Variants in BTBD7 observed in about 807,000 individuals in gnomAD.
BTBD7 encodes the protein BTB domain containing 7.
A neutral mutation model predicts 99.9 loss-of-function variants in BTBD7; 38 were observed. The ratio of observed to expected loss-of-function variants is 0.38; its 90% CI spans 0.29 to 0.50. BTBD7 has a LOEUF of 0.50. Ranked by LOEUF, BTBD7 falls within the 20% of genes least tolerant of loss-of-function variation. The pLI is 0.93. For synonymous variants in BTBD7, 520 were observed against 511.4 expected (o/e 1.02, Z -0.23); for missense variants, 1,170 against 1,394.6 (o/e 0.84, Z 2.57).
Position 93,242,658 on chromosome 14 carries a change from G to C in BTBD7, c.3014C>G (p.Ala1005Gly), listed in dbSNP as rs1297054914. 4 of 1,614,050 alleles carry C rather than the reference G, an allele frequency of 2.5e-6. No individual in the cohort carries two copies. The African/African-American group carries it at 5.3e-5, about 22-fold the overall frequency. ...GQTSPKKQEE[A>G]RREYPLSPDG... ...AGGGGAAAGTGGATATTCTCTCCTA[G>C]CTTCTTCCTGTTTTTTAGGAGACGT... Residue 1005 changes from alanine (A) to glycine (G), a missense_variant, in exon 11 of 11, where the codon GCT (alanine) becomes GGT (glycine). Ala to Gly is a moderately conservative substitution (Grantham distance 60, BLOSUM62 0). Transcript: ENST00000334746.
intron 1 of BTBD7, among the ~76,000 whole-genome samples, chr14:93,325,579 G>A (rs531091823): frequency 1.6e-4 from 24 of 152,170 alleles, no homozygotes; most frequent in Admixed American, 1.1e-3. Context: ...GGGGAACAAT[G>A]GAGTAAAAAA....
At chr14:93,316,137 A>G in intron 1 of BTBD7, among the ~76,000 whole-genome samples, 1 of 151,458 alleles carries the variant, frequency 6.6e-6, no homozygotes, top group Non-Finnish European at 1.5e-5. Flanking sequence ...TATTTTTAGT[A>G]GAGATAGGGT....
intron 8 of BTBD7, 144 bp downstream of exon 8, chr14:93,251,319 G>A: frequency 2.2e-6 from 2 of 896,312 alleles, no homozygotes; most frequent in Non-Finnish European, 3.2e-6. Flanking sequence ...TGGCTTAAAA[G>A]TGTTTATTCT....
chr14:93,274,881 G>C (rs2052638503), intron 3 of BTBD7, among the ~76,000 whole-genome samples: 1 of 152,190 alleles, frequency 6.6e-6, no homozygotes, highest in Non-Finnish European at 1.5e-5. Flanking sequence ...CTGGATTCCA[G>C]GTTACCTTTC....
At chr14:93,279,747 C>A (rs965843433) in intron 3 of BTBD7, among the ~76,000 whole-genome samples, 2 of 152,138 alleles carry the variant, frequency 1.3e-5, no homozygotes, top group African/African-American at 4.8e-5. Flanking sequence ...AAGGTTTCAC[C>A]ATGTTGGCCA....
intron 1 of BTBD7, among the ~76,000 whole-genome samples, chr14:93,300,786 A>ATATT (rs1555392123): frequency 2.0e-5 from 2 of 101,766 alleles, no homozygotes; most frequent in East Asian, 3.1e-4. Context: ...ATATATATAT[A>ATATT]TTTTTTTTTT....
intron 1 of BTBD7, among the ~76,000 whole-genome samples, chr14:93,311,912 TTTTAAC>T (rs1271185531): frequency 1.4e-5 from 2 of 139,932 alleles, no homozygotes; most frequent in East Asian, 4.1e-4. Context: ...GTCATTGCAT[TTTTAAC>T]TTTGTTATAT....
In BTBD7 at chr14:93,296,082, G is replaced by C. The variant is rs769152246; in HGVS notation, c.-31C>G. Reference sequence around the variant, plus strand: ...TCAGTCACTCAGGCATTCCGTCTGCGGGTTCTTCAGAGTATAATCCCAGAG... The same window carrying C: ...TCAGTCACTCAGGCATTCCGTCTGCCGGTTCTTCAGAGTATAATCCCAGAG... On this transcript the variant is annotated 5_prime_UTR_variant, in exon 2 of 11. Transcript: ENST00000334746. 6.2e-7 allele frequency: 1 copy of C among 1,609,742 alleles called. No homozygotes were observed. The highest frequency in any genetic ancestry group is 8.5e-7 in the Non-Finnish European group (1 of 1,178,056).
In BTBD7 at chr14:93,317,716, A is replaced by G. The variant is rs537464841; in HGVS notation, c.-107+15104T>C. Among the ~76,000 whole-genome samples the G allele has an allele frequency of 8.5e-5, 13 of 152,280 alleles. 1 individual carries two copies. The South Asian group carries it at 2.7e-3, about 32-fold the overall frequency. On this transcript the variant is annotated intron_variant, in intron 1 of 10. Transcript: ENST00000334746. ...CCTTGGCAGGTCTCTGGGAAATTGGATTTTGGGAGTGTTCCCATAATTCCC... is the reference window on the plus strand; with the variant it reads ...CCTTGGCAGGTCTCTGGGAAATTGGGTTTTGGGAGTGTTCCCATAATTCCC...
In BTBD7 at chr14:93,294,817, T is replaced by C. The variant is rs2052904987; in HGVS notation, c.203A>G (p.Lys68Arg). 1 of 1,613,962 alleles carries C rather than the reference T, an allele frequency of 6.2e-7. No homozygotes were observed. Among genetic ancestry groups the C allele is most frequent in the Non-Finnish European group, 8.5e-7 (1 of 1,180,036 alleles). ...KRTSGLATLKKKFIKRRKSNR... is the reference protein window; with the variant it reads ...KRTSGLATLKRKFIKRRKSNR... The stretch of plus-strand genomic sequence containing the variant: ...AGATTTCCGACGCTTAATAAACTTC[T>C]TTTTGAGGGTGGCAAGACCAGAGGT... The change falls in exon 3 of 11, where the codon AAG becomes AGG. Residue 68 changes from lysine to arginine, a missense_variant. Lys to Arg is a conservative substitution (Grantham distance 26). Around this residue, in one of 4 missense-constraint regions of BTBD7, gnomAD observed 359 missense variants for 497.9 expected, o/e 0.72. Transcript: ENST00000334746.
chr14:93,332,684 A>C, intron 1 of BTBD7, 136 bp downstream of exon 1: 3 of 1,236,528 alleles, frequency 2.4e-6, no homozygotes, highest in Non-Finnish European at 2.0e-6. Flanking sequence ...CCGGCGCCCC[A>C]GCGCCTCCCG....
Position 93,241,279 on chromosome 14 carries a change from G to A in BTBD7, c.*994C>T, listed in dbSNP as rs1456686831. Reference sequence around the variant, plus strand: ...CCACCTCAGCCCCCCAAGTAGCTGGGACTACAGGCACGCACCACCACGCCT... The same window carrying A: ...CCACCTCAGCCCCCCAAGTAGCTGGAACTACAGGCACGCACCACCACGCCT... On this transcript the variant is annotated 3_prime_UTR_variant, in exon 11 of 11. Coordinates refer to ENST00000334746, the MANE Select transcript of BTBD7 (RefSeq NM_001002860.4). 1 of 151,962 alleles carries A rather than the reference G, an allele frequency of 6.6e-6. No homozygotes were observed. Among genetic ancestry groups the A allele is most frequent in the Admixed American group, 6.6e-5 (1 of 15,248 alleles). The allele number at this position is 151,962 out of a possible 1,614,324, so 9.4% of individuals were successfully genotyped here.
At chr14:93,279,660 G>A (rs1254014068) in intron 3 of BTBD7, among the ~76,000 whole-genome samples, 4 of 152,146 alleles carry the variant, frequency 2.6e-5, no homozygotes, top group Non-Finnish European at 4.4e-5. Context: ...CGATTCTCCT[G>A]CCTCAGCCTC....
rs528012658 is a variant in BTBD7 at position 93,287,228 on chromosome 14, C to CAAAAAA, written c.1162+6624_1162+6629dup. 4.6e-4 allele frequency among the ~76,000 whole-genome samples: 58 copies of CAAAAAA among 126,850 alleles called. No homozygotes were observed. The South Asian group carries it at 0.014, about 30-fold the overall frequency. The allele number at this position is 126,850 out of a possible 152,430, so 83.2% of individuals were successfully genotyped here. ...TGGGCGACAGAGCGAGACTCTGTCT[C>CAAAAAA]AAAAAAAAAAAAAGTTAACCTTGTA... is the stretch of plus-strand genomic sequence containing the variant. On this transcript the variant is annotated intron_variant, in intron 3 of 10. Coordinates refer to ENST00000334746, the MANE Select transcript of BTBD7 (RefSeq NM_001002860.4).
intron 3 of BTBD7, among the ~76,000 whole-genome samples, chr14:93,280,849 CTT>C (rs564620800): frequency 1.1e-4 from 15 of 141,702 alleles, no homozygotes; most frequent in Non-Finnish European, 1.2e-4. Flanking sequence ...AAAAAGGCAC[CTT>C]TTTTTTTTTT....
chr14:93,277,954 C>T (rs1288720978), intron 3 of BTBD7, among the ~76,000 whole-genome samples: 3 of 152,162 alleles, frequency 2.0e-5, no homozygotes, highest in East Asian at 1.9e-4. Flanking sequence ...AAAAATTCAG[C>T]GGTTCACACC....
At chr14:93,297,029 G>A (rs1348482537) in intron 1 of BTBD7, among the ~76,000 whole-genome samples, 1 of 152,152 alleles carries the variant, frequency 6.6e-6, no homozygotes, top group Non-Finnish European at 1.5e-5. Flanking sequence ...AAATCTATCT[G>A]ACTAAATGGG....
chr14:93,302,444 C>G (rs761581912), intron 1 of BTBD7, among the ~76,000 whole-genome samples: 2 of 152,020 alleles, frequency 1.3e-5, no homozygotes, highest in Non-Finnish European at 2.9e-5. Flanking sequence ...TCAGAGGGGA[C>G]GACAGAACAC....
chr14:93,280,932 A>G (rs1409040046), intron 3 of BTBD7, among the ~76,000 whole-genome samples: 1 of 151,232 alleles, frequency 6.6e-6, no homozygotes, highest in Non-Finnish European at 1.5e-5. Context: ...CGGTGGACTC[A>G]AGCAATCCTC....
Sources: gnomAD v4.1 joint callset for allele counts (sites outside exome capture counted in the v4.1 genomes callset) on GRCh38, gnomAD v4.1.1 for gene constraint, gnomAD v4.1.1 regional missense constraint, MANE v1.5 for transcripts, NCBI Gene and HGNC (gene_info 2026-07-23, HGNC 2026-07-21) for gene names.